Variants in ALOX5 observed in about 807,000 individuals in gnomAD.
ALOX5 encodes arachidonate 5-lipoxygenase, also known as polyunsaturated fatty acid 5-lipoxygenase.
Under a neutral mutation model 87.9 loss-of-function variants are expected in ALOX5, and 64 were observed. The ratio of observed to expected loss-of-function variants is 0.73; its 90% CI spans 0.60 to 0.90. The LOEUF (loss-of-function observed/expected upper bound fraction) is 0.90. Ranked by LOEUF, ALOX5 falls within the 40% of genes least tolerant of loss-of-function variation. The pLI is 0.00. For missense variants in ALOX5, 822 were observed against 907.5 expected (o/e 0.91, Z 1.21); for synonymous variants, 388 against 355.1 (o/e 1.09, Z -1.04).
Position 45,391,040 on chromosome 10 carries a change from ATCTCCCC to A in ALOX5, c.350-4801_350-4795del, listed in dbSNP as rs1253000846. On this transcript the variant is annotated intron_variant, in intron 2 of 13. Coordinates refer to ENST00000374391, the MANE Select transcript of ALOX5 (RefSeq NM_000698.5). Reference sequence around the variant, plus strand: ...TCCCATCTCCCCTCTCCCCTCTCCCATCTCCCCTCTCCCCTCTCCCTCTCCCTCTCCC... The same window carrying A: ...TCCCATCTCCCCTCTCCCCTCTCCCATCTCCCCTCTCCCTCTCCCTCTCCC... Among the ~76,000 whole-genome samples, 15 of 14,034 alleles carry A rather than the reference ATCTCCCC, an allele frequency of 1.1e-3. No individual in the cohort carries two copies. The East Asian group carries it at 0.012, about 11-fold the overall frequency. 9.2% of individuals were successfully genotyped at this position (14,034 alleles called of 152,430 possible).
chr10:45,387,096 C>CAA (rs984079342), intron 2 of ALOX5, among the ~76,000 whole-genome samples: 1 of 152,150 alleles, frequency 6.6e-6, no homozygotes, highest in African/African-American at 2.4e-5. Context: ...ATTCTCTCCC[C>CAA]AAATGCACAC....
intron 2 of ALOX5, among the ~76,000 whole-genome samples, chr10:45,385,600 G>A (rs140568994): frequency 1.3e-5 from 2 of 152,304 alleles, no homozygotes; most frequent in East Asian, 3.9e-4. Context: ...CAGAGTCAAG[G>A]TGCCCAAGAG....
At chr10:45,431,548 GTTATTTATTTATTTATTTATTTAT>G (rs34431757) in intron 7 of ALOX5, among the ~76,000 whole-genome samples, 1 of 148,456 alleles carries the variant, frequency 6.7e-6, no homozygotes, top group African/African-American at 2.5e-5. Flanking sequence ...AAACTATAAA[GTTATTTATTTATTTATTTATTTAT>G]TTATTTATTT....
At chr10:45,384,862 G>A (rs1218874096) in intron 2 of ALOX5, among the ~76,000 whole-genome samples, 3 of 127,200 alleles carry the variant, frequency 2.4e-5, no homozygotes, top group Non-Finnish European at 5.4e-5. Flanking sequence ...TATTATTTTG[G>A]GACAGAGTCT....
chr10:45,439,453 T>C (rs1842157565), intron 7 of ALOX5, among the ~76,000 whole-genome samples: 3 of 152,210 alleles, frequency 2.0e-5, no homozygotes, highest in Non-Finnish European at 4.4e-5. Flanking sequence ...CACCTCATTC[T>C]TTCTGTCAAC....
In ALOX5 at chr10:45,416,166, A is replaced by G. The variant is rs1253192836; in HGVS notation, c.554+3853A>G. Among the ~76,000 whole-genome samples, 4 of 152,152 alleles carry G rather than the reference A, an allele frequency of 2.6e-5. No individual in the cohort carries two copies. In the East Asian group the frequency reaches 7.7e-4, roughly 29 times the overall value. On this transcript the variant is annotated intron_variant, in intron 4 of 13. Coordinates refer to ENST00000374391, the MANE Select transcript of ALOX5 (RefSeq NM_000698.5). ...GGTGTTTTGGGGGGTACAATAATCT[A>G]TTTTAAGCTTCATGGCCATCCTGGG...
intron 1 of ALOX5, among the ~76,000 whole-genome samples, chr10:45,378,873 C>T (rs1218067225): frequency 6.6e-6 from 1 of 152,202 alleles, no homozygotes; most frequent in Non-Finnish European, 1.5e-5. Flanking sequence ...GCCTGGCCCC[C>T]TCCTGCTGTG....
At chr10:45,428,862 T>C (rs1841823183) in intron 7 of ALOX5, 98 bp downstream of exon 7, 1 of 1,491,350 alleles carries the variant, frequency 6.7e-7, no homozygotes, top group Admixed American at 1.8e-5. Context: ...GGAAGCTATG[T>C]CTTGAAAGAC....
intron 4 of ALOX5, among the ~76,000 whole-genome samples, chr10:45,413,612 G>A (rs1020852530): frequency 3.6e-4 from 55 of 152,306 alleles, no homozygotes; most frequent in Admixed American, 3.5e-3. Flanking sequence ...GCAGGAGAAG[G>A]AAATAAAGGG....
intron 4 of ALOX5, among the ~76,000 whole-genome samples, chr10:45,418,090 AG>A (rs1344746730): frequency 1.3e-5 from 2 of 152,230 alleles, no homozygotes; most frequent in African/African-American, 4.8e-5. Context: ...CTGGCCCAGC[AG>A]GCTGGACAGT....
chr10:45,411,812 TGGCTG>T (rs1302629705), intron 3 of ALOX5, among the ~76,000 whole-genome samples: 1 of 152,212 alleles, frequency 6.6e-6, no homozygotes, highest in Non-Finnish European at 1.5e-5. Context: ...AGGTTGGGCG[TGGCTG>T]GGCAGCCTTA....
At chr10:45,440,162 C>T (rs1842181899) in intron 7 of ALOX5, among the ~76,000 whole-genome samples, 1 of 152,194 alleles carries the variant, frequency 6.6e-6, no homozygotes, top group African/African-American at 2.4e-5. Flanking sequence ...AACTGTGAGC[C>T]GAGCGATCAC....
At chr10:45,423,693 G>C (rs1056219341) in intron 4 of ALOX5, among the ~76,000 whole-genome samples, 2 of 152,212 alleles carry the variant, frequency 1.3e-5, no homozygotes, top group African/African-American at 4.8e-5. Context: ...ACACGGTAGA[G>C]CAGCTGGATC....
intron 7 of ALOX5, among the ~76,000 whole-genome samples, chr10:45,434,998 AC>A (rs1156618993): frequency 5.9e-5 from 9 of 152,226 alleles, no homozygotes; most frequent in African/African-American, 2.2e-4. Flanking sequence ...CTACTTCCTT[AC>A]CCAAAAAACA....
At chr10:45,431,551 A>ATT (rs1028648864) in intron 7 of ALOX5, among the ~76,000 whole-genome samples, 5 of 115,430 alleles carry the variant, frequency 4.3e-5, no homozygotes, top group African/African-American at 2.2e-4. Context: ...CTATAAAGTT[A>ATT]TTTATTTATT....
At chr10:45,417,553 C>G (rs1177912524) in intron 4 of ALOX5, among the ~76,000 whole-genome samples, 1 of 152,176 alleles carries the variant, frequency 6.6e-6, no homozygotes, top group African/African-American at 2.4e-5. Flanking sequence ...ATCTTTCCAG[C>G]TGCCTCCCTG....
At position 45,443,179 on chromosome 10, in the gene ALOX5, C is replaced by T. The variant is rs1224938574; in HGVS notation, c.1414C>T (p.Arg472Trp). Reference sequence around the variant, plus strand: ...AGAAGACATCCCCTACTACTTCTACCGGGACGACGGGCTCCTGGTGTGGGA... The same window carrying T: ...AGAAGACATCCCCTACTACTTCTACTGGGACGACGGGCTCCTGGTGTGGGA... ...SKEDIPYYFYRDDGLLVWEAI... is the reference protein window; with the variant it reads ...SKEDIPYYFYWDDGLLVWEAI... The change falls in exon 10 of 14, where the codon CGG (arginine) becomes TGG (tryptophan). Residue 472 changes from arginine to tryptophan, a missense_variant. Coordinates refer to ENST00000374391, the MANE Select transcript of ALOX5 (RefSeq NM_000698.5). 6.2e-7 allele frequency: 1 copy of T among 1,613,608 alleles called. No individual in the cohort carries two copies. The highest frequency in any genetic ancestry group is 1.7e-5 in the Admixed American group (1 of 60,002).
In ALOX5 at chr10:45,443,737, A is replaced by G. The variant is rs1300391012; in HGVS notation, c.1583A>G (p.Lys528Arg). The change falls in exon 12 of 14, where the codon AAG becomes AGG. Residue 528 changes from lysine (K) to arginine (R), a missense_variant. Coordinates refer to ENST00000374391, the MANE Select transcript of ALOX5 (RefSeq NM_000698.5). ...MRGRKSSGFP[K>R]SVKSREQLSE... ...GGTGGTTCCACCCTAGGCTTCCCCAAGTCGGTCAAGAGCCGGGAGCAGCTG... is the reference window on the plus strand; with the variant it reads ...GGTGGTTCCACCCTAGGCTTCCCCAGGTCGGTCAAGAGCCGGGAGCAGCTG... 1 of 1,611,946 alleles carries G rather than the reference A, an allele frequency of 6.2e-7. No individual in the cohort carries two copies. Among genetic ancestry groups the G allele is most frequent in the Admixed American group, 1.7e-5 (1 of 59,930 alleles).
At chr10:45,393,834 A>T (rs1246389611) in intron 2 of ALOX5, among the ~76,000 whole-genome samples, 1 of 152,262 alleles carries the variant, frequency 6.6e-6, no homozygotes, top group Non-Finnish European at 1.5e-5. Flanking sequence ...GAGCCAAATC[A>T]GGAGTGAACT....
Sources: gnomAD v4.1 joint callset for allele counts (sites outside exome capture counted in the v4.1 genomes callset) on GRCh38, gnomAD v4.1.1 for gene constraint, MANE v1.5 for transcripts, NCBI Gene and HGNC (gene_info 2026-07-23, HGNC 2026-07-21) for gene names.